The following TENM3 variants were observed in gnomAD, a reference collection of about 807,000 sequenced individuals.
TENM3 encodes teneurin-3.
Under a neutral mutation model 255.1 loss-of-function variants are expected in TENM3, and 63 were observed. The ratio of observed to expected loss-of-function variants is 0.25; its 90% CI spans 0.20 to 0.30. The LOEUF is 0.30. TENM3 is among the 10% of genes least tolerant of loss of function. The pLI is 1.00. For synonymous variants in TENM3, 1,306 were observed against 1,322.3 expected (o/e 0.99, Z 0.27); for missense variants, 2,929 against 3,461.1 (o/e 0.85, Z 3.86).
chr4:182,099,662 C>T, the TENM3 span, among the ~76,000 whole-genome samples: 1 of 152,290 alleles, frequency 6.6e-6, no homozygotes, highest in East Asian at 1.9e-4. Context: ...ACTACAAGGG[C>T]ATCCTTGAGT....
the TENM3 span, among the ~76,000 whole-genome samples, chr4:181,704,174 G>A: frequency 6.6e-6 from 1 of 152,086 alleles, no homozygotes; most frequent in African/African-American, 2.4e-5. Flanking sequence ...AAGCAATCGC[G>A]TTTGTATTTT....
At chr4:181,681,056 T>C in the TENM3 span, among the ~76,000 whole-genome samples, 2 of 152,090 alleles carry the variant, frequency 1.3e-5, no homozygotes, top group Non-Finnish European at 2.9e-5. Context: ...GTTATATTTA[T>C]ACATTCTTTT....
intron 3 of TENM3, among the ~76,000 whole-genome samples, chr4:182,356,488 T>C (rs904947023): frequency 6.6e-5 from 10 of 152,074 alleles, no homozygotes; most frequent in African/African-American, 2.4e-4. Context: ...AGAGCGTGGC[T>C]GAGGGATCCA....
chr4:181,610,730 G>A, the TENM3 span, among the ~76,000 whole-genome samples: 4 of 151,770 alleles, frequency 2.6e-5, no homozygotes, highest in African/African-American at 7.2e-5. Flanking sequence ...GTCTGTGTGT[G>A]GCTTTTCTTT....
the TENM3 span, among the ~76,000 whole-genome samples, chr4:181,848,624 T>A: frequency 6.6e-6 from 1 of 152,116 alleles, no homozygotes; most frequent in East Asian, 1.9e-4. Flanking sequence ...TCAAAACGAA[T>A]ACTAAAGGTT....
chr4:182,095,527 T>A, the TENM3 span, among the ~76,000 whole-genome samples: 1 of 152,270 alleles, frequency 6.6e-6, no homozygotes, highest in Non-Finnish European at 1.5e-5. Context: ...GAATGAGGGT[T>A]ACCAGAGGCT....
the TENM3 span, among the ~76,000 whole-genome samples, chr4:181,668,472 A>G: frequency 6.6e-6 from 1 of 152,318 alleles, no homozygotes; most frequent in South Asian, 2.1e-4. Flanking sequence ...GCCATGCTCC[A>G]TCCAAAGGTG....
At chr4:181,647,477 G>T in the TENM3 span, among the ~76,000 whole-genome samples, 2 of 152,158 alleles carry the variant, frequency 1.3e-5, no homozygotes, top group Non-Finnish European at 1.5e-5. Flanking sequence ...TAGCAAAAGG[G>T]TGCAATATGT....
the TENM3 span, among the ~76,000 whole-genome samples, chr4:181,956,175 T>A: frequency 6.6e-6 from 1 of 152,150 alleles, no homozygotes; most frequent in East Asian, 1.9e-4. Context: ...CTAAGGGCAC[T>A]ACTCACATTC....
At chr4:181,649,553 G>A in the TENM3 span, among the ~76,000 whole-genome samples, 1 of 152,284 alleles carries the variant, frequency 6.6e-6, no homozygotes, top group East Asian at 1.9e-4. Context: ...AAATCCTTCA[G>A]GAACTGCTAA....
intron 1 of TENM3, among the ~76,000 whole-genome samples, chr4:182,271,845 G>A (rs1210274744): frequency 1.3e-5 from 2 of 152,334 alleles, no homozygotes; most frequent in East Asian, 3.9e-4. Context: ...GGGTCTAAAA[G>A]TCTAATCTCA....
At chr4:181,938,094 G>A in the TENM3 span, among the ~76,000 whole-genome samples, 1 of 152,176 alleles carries the variant, frequency 6.6e-6, no homozygotes. Flanking sequence ...ATTTCAAGTA[G>A]ATCTTAATGT....
intron 3 of TENM3, among the ~76,000 whole-genome samples, chr4:182,432,592 G>T (rs1472576872): frequency 6.6e-6 from 1 of 152,210 alleles, no homozygotes; most frequent in Non-Finnish European, 1.5e-5. Context: ...GGACAGGAAA[G>T]ATTTCAGGAC....
chr4:182,164,297 T>C (rs1269013503), intron 1 of TENM3, among the ~76,000 whole-genome samples: 1 of 152,196 alleles, frequency 6.6e-6, no homozygotes, highest in African/African-American at 2.4e-5. Context: ...AAAGGAACTG[T>C]CCATCAAGTT....
chr4:182,314,544 G>A (rs1027082660), intron 1 of TENM3, among the ~76,000 whole-genome samples: 1 of 152,166 alleles, frequency 6.6e-6, no homozygotes, highest in African/African-American at 2.4e-5. Flanking sequence ...TTTTCATCCA[G>A]TGTGACAATC....
At position 182,799,718 on chromosome 4, in the gene TENM3, C is replaced by T. The variant is rs1348381770; in HGVS notation, c.7467C>T (p.Phe2489=). ...GCGGCGCGCAGTCCTGGCTGTGGTT[C>T]GCCACGGTCAAGTCGCTGATCGGCA... ...RAGGAQSWLW[F]ATVKSLIGKG... is the part of the protein sequence containing the mutation. The change falls in exon 28 of 28, where the codon TTC becomes TTT. Residue 2489 remains phenylalanine, a synonymous_variant. Coordinates refer to ENST00000511685, the MANE Select transcript of TENM3 (RefSeq NM_001080477.4). This position sits in a 1 kb window ranked among gnomAD's most constrained non-coding sequence, Gnocchi z 4.2. 4 of 1,552,104 alleles carry T rather than the reference C, an allele frequency of 2.6e-6. No individual in the cohort carries two copies. Among genetic ancestry groups the T allele is most frequent in the Non-Finnish European group, 2.6e-6 (3 of 1,148,166 alleles).
At chr4:181,909,958 T>C in the TENM3 span, among the ~76,000 whole-genome samples, 2 of 152,224 alleles carry the variant, frequency 1.3e-5, no homozygotes, top group African/African-American at 4.8e-5. Context: ...TTTCAGGTTA[T>C]ATATTAGTTT....
chr4:182,733,287 A>T (rs545766560), intron 16 of TENM3, among the ~76,000 whole-genome samples: 1 of 152,368 alleles, frequency 6.6e-6, no homozygotes, highest in South Asian at 2.1e-4. Context: ...TGAAGGCGGC[A>T]GTGAATAAAT....
At chr4:182,074,661 G>A in the TENM3 span, among the ~76,000 whole-genome samples, 1 of 152,136 alleles carries the variant, frequency 6.6e-6, no homozygotes, top group Non-Finnish European at 1.5e-5. Context: ...GCAGCAGTGG[G>A]GTCAGAATGT....
Sources: gnomAD v4.1 joint callset for allele counts (sites outside exome capture counted in the v4.1 genomes callset) on GRCh38, gnomAD v4.1.1 for gene constraint, Gnocchi (gnomAD v3.1) non-coding constraint, MANE v1.5 for transcripts, NCBI Gene and HGNC (gene_info 2026-07-23, HGNC 2026-07-21) for gene names.